ZNF667: variants seen among roughly 807,000 people sequenced by gnomAD.
The protein encoded by ZNF667 is myocardial ischemic preconditioning upregulated 1 ortholog.
A neutral mutation model predicts 31.8 loss-of-function variants in ZNF667; 13 were observed. The observed-to-expected ratio is 0.41, with a 90% confidence interval of 0.27 to 0.65. ZNF667 has a LOEUF of 0.65. ZNF667 is among the 30% of genes least tolerant of loss of function. The pLI, the probability that ZNF667 is intolerant of heterozygous loss-of-function variation, is 0.32. For synonymous variants in ZNF667, 228 were observed against 247.1 expected, an observed-to-expected ratio of 0.92 and a Z score of 0.73; for missense variants, 642 against 725.6, an observed-to-expected ratio of 0.88 and a Z score of 1.32.
chr19:56,465,530 T>C (rs759651347), intron 3 of ZNF667, among the ~76,000 whole-genome samples: 10 of 152,204 alleles, frequency 6.6e-5, no homozygotes, highest in Admixed American at 1.3e-4. Flanking sequence ...ACACTGAGGA[T>C]TATCATTTCA....
chr19:56,475,065 G>A (rs1440805771), intron 1 of ZNF667: 1 of 152,198 alleles, frequency 6.6e-6, no homozygotes, highest in African/African-American at 2.4e-5. Flanking sequence ...TGGCTCTGGA[G>A]TTGACCAAAA....
At chr19:56,469,404 T>C (rs2043237163) in intron 3 of ZNF667, among the ~76,000 whole-genome samples, 1 of 152,196 alleles carries the variant, frequency 6.6e-6, no homozygotes, top group Admixed American at 6.5e-5. Context: ...TCAGCTGTGT[T>C]ACCCTGGGCA....
upstream of ZNF667, chr19:56,477,511 C>G (rs1463509560): frequency 6.6e-6 from 1 of 152,358 alleles, no homozygotes; most frequent in African/African-American, 2.4e-5. Context: ...CAGCGCCACA[C>G]GCACAAGCGC....
rs886399861 is a variant in ZNF667 at position 56,465,842 on chromosome 19, G to A, written c.-59-3413C>T. Among the ~76,000 whole-genome samples the A allele has an allele frequency of 5.3e-5, 8 of 152,018 alleles. 1 individual carries two copies. The highest frequency in any genetic ancestry group is 1.9e-4 in the African/African-American group (8 of 41,472). The stretch of plus-strand genomic sequence containing the variant: ...CAGGCTGGCGTCTAAGGACCTGGCT[G>A]GGAGACCATTCCCTACACGGATATA... On this transcript the variant is annotated intron_variant, in intron 3 of 6. Transcript: ENST00000504904.
In ZNF667 at chr19:56,440,935, C is replaced by T. The variant is rs979439531; in HGVS notation, c.*227G>A. 34 of 1,368,804 alleles carry T rather than the reference C, an allele frequency of 2.5e-5. No individual in the cohort carries two copies. The East Asian group carries it at 8.7e-4, about 35-fold the overall frequency. The allele number at this position is 1,368,804 out of a possible 1,614,324, so 84.8% of individuals were successfully genotyped here. On this transcript the variant is annotated 3_prime_UTR_variant, in exon 7 of 7. Coordinates refer to ENST00000504904, the MANE Select transcript of ZNF667 (RefSeq NM_001321356.2). Reference sequence around the variant, plus strand: ...ACTGCGCCCAGCCAGTAATTCTTATCAAATGAAAAATGATCTTCATTCACA... The same window carrying T: ...ACTGCGCCCAGCCAGTAATTCTTATTAAATGAAAAATGATCTTCATTCACA...
chr19:56,454,916 A>G (rs751513447), intron 6 of ZNF667, among the ~76,000 whole-genome samples: 1 of 152,110 alleles, frequency 6.6e-6, no homozygotes, highest in Non-Finnish European at 1.5e-5. Context: ...AATATTTGCA[A>G]ACTACCCATC....
At chr19:56,448,688 T>C (rs764419333) in intron 6 of ZNF667, among the ~76,000 whole-genome samples, 10 of 150,798 alleles carry the variant, frequency 6.6e-5, no homozygotes, top group African/African-American at 2.4e-4. Context: ...TTCTAGGCCA[T>C]AGGTCCTGGA....
At chr19:56,444,562 A>C (rs1345835330) in intron 6 of ZNF667, among the ~76,000 whole-genome samples, 2 of 112,966 alleles carry the variant, frequency 1.8e-5, no homozygotes, top group Non-Finnish European at 3.5e-5. Context: ...CTCCCACCAG[A>C]CCCCACCTCC....
chr19:56,471,156 C>G (rs1038460015), intron 3 of ZNF667, among the ~76,000 whole-genome samples: 2 of 151,998 alleles, frequency 1.3e-5, no homozygotes, highest in African/African-American at 4.8e-5. Context: ...TGTGTAGCCC[C>G]ACCCCCCCTG....
chr19:56,456,367 T>C (rs1408727420), intron 6 of ZNF667, among the ~76,000 whole-genome samples: 1 of 152,192 alleles, frequency 6.6e-6, no homozygotes, highest in African/African-American at 2.4e-5. Flanking sequence ...TGGTCACAGC[T>C]TTCAGGAGCT....
chr19:56,470,036 G>A (rs191505916), intron 3 of ZNF667: 3 of 457,850 alleles, frequency 6.6e-6, no homozygotes, highest in African/African-American at 4.0e-5. Flanking sequence ...ACCGGACAAT[G>A]CATTGACCAA....
At chr19:56,447,813 G>A (rs571389676) in intron 6 of ZNF667, among the ~76,000 whole-genome samples, 138 of 151,944 alleles carry the variant, frequency 9.1e-4, no homozygotes, top group Non-Finnish European at 1.6e-3. Flanking sequence ...CCCAGGAGGC[G>A]GAGGTTGCAG....
intron 6 of ZNF667, chr19:56,444,112 T>C (rs1191818065): frequency 5.0e-6 from 2 of 397,412 alleles, no homozygotes; most frequent in African/African-American, 2.1e-5. Context: ...AATACATATA[T>C]TACTAAAATT....
At chr19:56,451,503 A>G (rs1021158067) in intron 6 of ZNF667, among the ~76,000 whole-genome samples, 1 of 152,240 alleles carries the variant, frequency 6.6e-6, no homozygotes, top group Non-Finnish European at 1.5e-5. Context: ...TACAGGTTAC[A>G]CATTCTGCTC....
At chr19:56,448,441 C>T (rs1441558300) in intron 6 of ZNF667, among the ~76,000 whole-genome samples, 1 of 152,154 alleles carries the variant, frequency 6.6e-6, no homozygotes, top group African/African-American at 2.4e-5. Context: ...AATCCTAGTG[C>T]TGTGCTTGGC....
At chr19:56,466,999 T>C in intron 3 of ZNF667, 1 of 456,642 alleles carries the variant, frequency 2.2e-6, no homozygotes, top group Non-Finnish European at 4.4e-6. Flanking sequence ...CTTGAATTCC[T>C]TCCTGTGCAA....
At position 56,474,011 on chromosome 19, in the gene ZNF667, C is replaced by A. The variant is rs1258597817; in HGVS notation, c.-549+1G>T. On this transcript the variant is annotated splice_donor_variant, in intron 2 of 6. Coordinates refer to ENST00000504904, the MANE Select transcript of ZNF667 (RefSeq NM_001321356.2). LOFTEE classifies it low-confidence loss of function (5UTR_SPLICE). ...ATAAAAGAAGGCTGGATCGCACATA[C>A]CACATCAAGGCAGGGCTGTAAACCT... The A allele has an allele frequency of 6.6e-6, 1 of 152,172 alleles. No homozygotes were observed. The highest frequency in any genetic ancestry group is 1.5e-5 in the Non-Finnish European group (1 of 68,044). The allele number at this position is 152,172 out of a possible 1,614,324, so 9.4% of individuals were successfully genotyped here. A position where few individuals can be genotyped will look rare whatever the true frequency, so the allele number is the denominator to read the frequency against.
intron 1 of ZNF667, among the ~76,000 whole-genome samples, chr19:56,476,302 A>G (rs1359858777): frequency 6.6e-6 from 1 of 152,162 alleles, no homozygotes; most frequent in African/African-American, 2.4e-5. Flanking sequence ...AAATGTACAC[A>G]TGCAGAAAAC....
At chr19:56,462,306 G>T in intron 4 of ZNF667, 32 bp downstream of exon 4, 2 of 1,613,946 alleles carry the variant, frequency 1.2e-6, no homozygotes, top group Non-Finnish European at 1.7e-6. Context: ...ACACGATGGG[G>T]TGTTCCGGAA....
Sources: allele counts gnomAD v4.1 joint callset (sites outside exome capture counted in the v4.1 genomes callset), GRCh38; gene constraint gnomAD v4.1.1; transcripts MANE v1.5; gene names NCBI Gene and HGNC (gene_info 2026-07-23, HGNC 2026-07-21).